The following PTPN21 variants were observed in gnomAD, a reference collection of about 807,000 sequenced individuals.
PTPN21 encodes tyrosine-protein phosphatase non-receptor type 21.
PTPN21 carries 77 observed loss-of-function variants against 131.8 expected under a neutral mutation model. That is an observed-to-expected ratio of 0.58 (90% confidence interval 0.49 to 0.71). The LOEUF is 0.71. PTPN21 is among the 30% of genes least tolerant of loss of function. The pLI, the probability that PTPN21 is intolerant of heterozygous loss-of-function variation, is 0.00. For synonymous variants in PTPN21, 715 were observed against 621.3 expected (o/e 1.15, Z -2.24); for missense variants, 1,552 against 1,527.1 (o/e 1.02, Z -0.27).
chr14:88,486,904 AG>A lies in PTPN21; in HGVS notation c.933-1063del, dbSNP rs1269265664. Among the ~76,000 whole-genome samples, 3 of 149,904 alleles carry A rather than the reference AG, an allele frequency of 2.0e-5. No individual in the cohort carries two copies. In the East Asian group the frequency reaches 6.0e-4, roughly 30 times the overall value. On this transcript the variant is annotated intron_variant, in intron 10 of 18. Transcript: ENST00000556564. ...GGCAGGGGAGTCACTTGAACCCAGG[AG>A]GCAGAGGTTGCAGTGAGCCGAGATT... is the stretch of plus-strand genomic sequence containing the variant.
chr14:88,517,357 G>A (rs1831488905), intron 2 of PTPN21, 96 bp from the exon 3 acceptor site: 2 of 1,346,798 alleles, frequency 1.5e-6, no homozygotes, highest in East Asian at 2.3e-5. Context: ...CCAAATGACA[G>A]CAGTCTCTTA....
intron 12 of PTPN21, among the ~76,000 whole-genome samples, chr14:88,481,428 C>T (rs1005469270): frequency 1.2e-4 from 19 of 152,136 alleles, no homozygotes; most frequent in Non-Finnish European, 2.2e-4. Context: ...TGCCACAGCT[C>T]GGGCCCCTAC....
At chr14:88,515,931 T>C (rs2078261912) in intron 3 of PTPN21, among the ~76,000 whole-genome samples, 1 of 152,228 alleles carries the variant, frequency 6.6e-6, no homozygotes, top group Non-Finnish European at 1.5e-5. Flanking sequence ...TATTTCTATC[T>C]CAGACTTTTA....
rs540843263 is a variant in PTPN21 at position 88,506,737 on chromosome 14, A to G, written c.448+1186T>C. ...CAGCCAAATCTCAGAAATCACCACT[A>G]AAGAACTTATTCATGTAACCATAGC... is the stretch of plus-strand genomic sequence containing the variant. On this transcript the variant is annotated intron_variant, in intron 4 of 18. Transcript: ENST00000556564. Among the ~76,000 whole-genome samples the G allele has an allele frequency of 7.9e-5, 12 of 152,222 alleles. No homozygotes were observed. The East Asian group carries it at 1.9e-3, about 25-fold the overall frequency.
chr14:88,517,718 ATGT>A (rs1310451398), intron 2 of PTPN21, among the ~76,000 whole-genome samples: 23 of 136,442 alleles, frequency 1.7e-4, no homozygotes, highest in African/African-American at 6.5e-4. Context: ...ATATGTGTGT[ATGT>A]GTATATATAC....
chr14:88,487,965 C>CAAAAAA lies in PTPN21; in HGVS notation c.933-2129_933-2124dup, dbSNP rs535857551. On this transcript the variant is annotated intron_variant, in intron 10 of 18. Coordinates refer to ENST00000556564, the MANE Select transcript of PTPN21 (RefSeq NM_007039.4). ...TGGGCGACAGAGTGAGACTCCATCT[C>CAAAAAA]AAAAAAAAAAAAAAAAAAAATAGTG... 4.1e-3 allele frequency among the ~76,000 whole-genome samples: 376 copies of CAAAAAA among 92,408 alleles called. 7 individuals carry two copies. The highest frequency in any genetic ancestry group is 0.01 in the East Asian group (29 of 2,804). The allele number at this position is 92,408 out of a possible 152,430, so 60.6% of individuals were successfully genotyped here. A position where few individuals can be genotyped will look rare whatever the true frequency, so the allele number is the denominator to read the frequency against.
Position 88,520,025 on chromosome 14 carries a change from A to G in PTPN21, c.181-2764T>C, listed in dbSNP as rs368063242. On this transcript the variant is annotated intron_variant, in intron 2 of 18. Coordinates refer to ENST00000556564, the MANE Select transcript of PTPN21 (RefSeq NM_007039.4). ...AGGGTTTCTTGGGCCCTAAAAAGCT[A>G]TTAATCTCCTAGGTATTTCTTGGGT... Among the ~76,000 whole-genome samples the G allele has an allele frequency of 4.6e-5, 7 of 151,388 alleles. No individual in the cohort carries two copies. The South Asian group carries it at 1.0e-3, about 22-fold the overall frequency.
chr14:88,518,058 G>C (rs1320336893), intron 2 of PTPN21, among the ~76,000 whole-genome samples: 1 of 144,862 alleles, frequency 6.9e-6, no homozygotes, highest in African/African-American at 2.5e-5. Context: ...TATTTTTTTG[G>C]TTCAGAGTTC....
intron 3 of PTPN21, among the ~76,000 whole-genome samples, chr14:88,511,349 G>A (rs1260050176): frequency 6.6e-6 from 1 of 152,090 alleles, no homozygotes; most frequent in Non-Finnish European, 1.5e-5. Context: ...TATTGGTGGG[G>A]CTGAAGATGG....
At chr14:88,487,783 C>T (rs140383504) in intron 10 of PTPN21, among the ~76,000 whole-genome samples, 1 of 152,050 alleles carries the variant, frequency 6.6e-6, no homozygotes, top group African/African-American at 2.4e-5. Flanking sequence ...CTTAACTGCA[C>T]ATTAATATAT....
chr14:88,484,855 C>G (rs1174289989), intron 12 of PTPN21, among the ~76,000 whole-genome samples: 2 of 151,840 alleles, frequency 1.3e-5, no homozygotes, highest in African/African-American at 4.8e-5. Context: ...CCACTGCACT[C>G]TAGCCTGGGT....
chr14:88,546,693 A>G (rs1454814681), intron 2 of PTPN21, among the ~76,000 whole-genome samples: 2 of 152,186 alleles, frequency 1.3e-5, no homozygotes, highest in East Asian at 3.8e-4. Flanking sequence ...CCAAATCTAT[A>G]TGCGATAATT....
intron 2 of PTPN21, 34 bp downstream of exon 2, chr14:88,550,204 C>A: frequency 1.3e-6 from 2 of 1,591,978 alleles, no homozygotes; most frequent in South Asian, 2.3e-5. Context: ...TTGAGCCACC[C>A]GCGCCTGGCC....
At chr14:88,530,601 A>G (rs1357090539) in intron 2 of PTPN21, among the ~76,000 whole-genome samples, 1 of 152,186 alleles carries the variant, frequency 6.6e-6, no homozygotes, top group Non-Finnish European at 1.5e-5. Flanking sequence ...AAGATATTCC[A>G]TGTAAATGGA....
chr14:88,501,030 A>C, intron 7 of PTPN21, 159 bp from the exon 8 acceptor site: 2 of 644,648 alleles, frequency 3.1e-6, no homozygotes, highest in South Asian at 3.9e-5. Flanking sequence ...ATGATCTTAT[A>C]GGTAAGTATA....
At chr14:88,497,565 G>T (rs556863852) in intron 8 of PTPN21, among the ~76,000 whole-genome samples, 2 of 151,114 alleles carry the variant, frequency 1.3e-5, no homozygotes, top group Non-Finnish European at 3.0e-5. Flanking sequence ...GTCAGGAGAT[G>T]GAGACCATCC....
chr14:88,548,288 T>C (rs1177991306), intron 2 of PTPN21, among the ~76,000 whole-genome samples: 1 of 152,154 alleles, frequency 6.6e-6, no homozygotes, highest in East Asian at 1.9e-4. Context: ...TCAGGATAAA[T>C]CTAAATCCTT....
intron 8 of PTPN21, among the ~76,000 whole-genome samples, chr14:88,498,555 G>A (rs953580963): frequency 1.3e-5 from 2 of 152,148 alleles, no homozygotes; most frequent in Non-Finnish European, 2.9e-5. Context: ...GTAGGTCCTA[G>A]GGACACTAAG....
Position 88,480,004 on chromosome 14 carries a change from T to C in PTPN21, c.1427A>G (p.Asn476Ser), listed in dbSNP as rs1440142417. The C allele has an allele frequency of 1.2e-6, 2 of 1,612,986 alleles. No individual in the cohort carries two copies. Among genetic ancestry groups the C allele is most frequent in the African/African-American group, 1.3e-5 (1 of 74,904 alleles). ...GCTGTAGGCGTACGAGCTGCCGATG[T>C]TGAGGTTTCGCAGCGAGTGGCTCTG... ...ERQSHSLRNL[N>S]IGSSYAYSRP... The change falls in exon 13 of 19, where the codon AAC becomes AGC. Residue 476 changes from asparagine to serine, a missense_variant. Coordinates refer to ENST00000556564, the MANE Select transcript of PTPN21 (RefSeq NM_007039.4).
Sources: allele counts gnomAD v4.1 joint callset (sites outside exome capture counted in the v4.1 genomes callset), GRCh38; gene constraint gnomAD v4.1.1; transcripts MANE v1.5; gene names NCBI Gene and HGNC (gene_info 2026-07-23, HGNC 2026-07-21).